The following LARS1 variants were observed in gnomAD, a reference collection of about 807,000 sequenced individuals.
The protein encoded by LARS1 is leucyl-tRNA synthetase 1, also known as leucine--tRNA ligase, cytoplasmic.
A neutral mutation model predicts 162.8 loss-of-function variants in LARS1; 100 were observed. That is an observed-to-expected ratio of 0.61 (90% CI 0.52 to 0.73). The LOEUF is 0.73. Ranked by LOEUF, LARS1 falls within the 30% of genes least tolerant of loss-of-function variation. The pLI is 0.00. For synonymous variants in LARS1, 457 were observed against 462.8 expected (o/e 0.99, Z 0.16); for missense variants, 1,258 against 1,408.9 (o/e 0.89, Z 1.71).
chr5:146,120,473 G>A lies in LARS1; in HGVS notation c.3223C>T (p.Gln1075Ter), dbSNP rs759414719. Residue 1075 changes from glutamine (Q) to a stop codon, truncating the protein, a stop_gained, in exon 31 of 32, where the codon CAG becomes TAG. Coordinates refer to ENST00000394434, the MANE Select transcript of LARS1 (RefSeq NM_020117.11). LOFTEE classifies it high-confidence loss of function. ...PGVSVSLVNPQPSNGHFSTKI... is the reference protein window; with the variant it reads ...PGVSVSLVNP ...GTTGAGAAGTGGCCATTGGATGGCT[G>A]GGGATTCACCAGAGAAACGGACACA... 3 of 1,612,964 alleles carry A rather than the reference G, an allele frequency of 1.9e-6. No homozygotes were observed. Among genetic ancestry groups the A allele is most frequent in the African/African-American group, 2.7e-5 (2 of 74,946 alleles).
chr5:146,144,291 CA>C lies in LARS1; in HGVS notation c.1713del (p.His571GlnfsTer9). ...CCTAGACCATAAGTTCTTGAGCAAGCATGTTCTTGTAGCCAACCTAAGGTGG... is the reference window on the plus strand; with the variant it reads ...CCTAGACCATAAGTTCTTGAGCAAGCTGTTCTTGTAGCCAACCTAAGGTGG... Reference protein sequence around the residue: ...FEATLGWLQEHACSRTYGLGT... With the variant: ...FEATLGWLQEXACSRTYGLGT... On this transcript the variant is annotated frameshift_variant, in exon 18 of 32. Transcript: ENST00000394434. LOFTEE classifies it high-confidence loss of function. 6.2e-7 allele frequency: 1 copy of C among 1,612,726 alleles called. No individual in the cohort carries two copies. Among genetic ancestry groups the C allele is most frequent in the Non-Finnish European group, 8.5e-7 (1 of 1,179,666 alleles).
intron 6 of LARS1, among the ~76,000 whole-genome samples, chr5:146,161,582 A>G (rs67897591): frequency 0.088 from 13,312 of 152,018 alleles, 718 homozygotes; most frequent in African/African-American, 0.15. Context: ...AAACAAACAA[A>G]CAAAAAATAC....
intron 10 of LARS1, among the ~76,000 whole-genome samples, chr5:146,154,529 G>T (rs1006544415): frequency 2.6e-5 from 4 of 152,206 alleles, no homozygotes; most frequent in African/African-American, 9.6e-5. Context: ...TGTAAACCCA[G>T]CACTTTGGGA....
chr5:146,181,854 T>TTTTC (rs1754869322), intron 1 of LARS1, among the ~76,000 whole-genome samples: 1 of 57,384 alleles, frequency 1.7e-5, no homozygotes, highest in Admixed American at 2.4e-4. Context: ...TTTTCTTTTT[T>TTTTC]TTTTTTTTTT....
intron 19 of LARS1, 141 bp downstream of exon 19, chr5:146,143,271 T>G: frequency 3.7e-6 from 4 of 1,091,670 alleles, no homozygotes; most frequent in Non-Finnish European, 5.2e-6. Context: ...TTATTAATTT[T>G]TCCCAGTTCA....
At chr5:146,128,589 G>T (rs1752138464) in intron 27 of LARS1, 83 bp downstream of exon 27, 1 of 800,874 alleles carries the variant, frequency 1.2e-6, no homozygotes, top group South Asian at 2.3e-5. Flanking sequence ...TCTTCTCCCA[G>T]ACATTGCCAA....
At chr5:146,150,942 GACACACACACACACACACACACAC>G (rs3995492) in intron 14 of LARS1, among the ~76,000 whole-genome samples, 3 of 134,804 alleles carry the variant, frequency 2.2e-5, no homozygotes, top group Non-Finnish European at 4.7e-5. Context: ...CCGTCAGATA[GACACACACACACACACACACACAC>G]ACACACACAC....
rs1370021755 is a variant in LARS1, at chr5:146,113,058, TATTG to T, written c.*1044_*1047del. The T allele has an allele frequency of 1.3e-5, 2 of 152,270 alleles. No homozygotes were observed. The highest frequency in any genetic ancestry group is 2.1e-4 in the South Asian group (1 of 4,820). The allele number at this position is 152,270 out of a possible 1,614,324, so 9.4% of individuals were successfully genotyped here. ...GTAATAGTCAGCATGACCTCTATTTTATTGATTGATTGATGGATTGATTGAGACA... is the reference window on the plus strand; with the variant it reads ...GTAATAGTCAGCATGACCTCTATTTTATTGATTGATGGATTGATTGAGACA... On this transcript the variant is annotated 3_prime_UTR_variant, in exon 32 of 32. Coordinates refer to ENST00000394434, the MANE Select transcript of LARS1 (RefSeq NM_020117.11).
intron 21 of LARS1, among the ~76,000 whole-genome samples, 173 bp from the exon 22 acceptor site, chr5:146,135,837 C>T (rs1014856890): frequency 2.0e-5 from 3 of 152,144 alleles, no homozygotes; most frequent in Non-Finnish European, 2.9e-5. Context: ...GAATTTCATC[C>T]GATAAAGTGC....
In LARS1 at chr5:146,113,815, T is replaced by C. The variant is rs373058785; in HGVS notation, c.*291A>G. 5.5e-6 allele frequency: 2 copies of C among 363,238 alleles called. No homozygotes were observed. Among genetic ancestry groups the C allele is most frequent in the Admixed American group, 4.2e-5 (1 of 23,798 alleles). 22.5% of individuals were successfully genotyped at this position (363,238 alleles called of 1,614,324 possible). ...TCATAAAAGAAGCATACTGACACTT[T>C]TATGTTCATCTTAAAAACCAGAAAC... On this transcript the variant is annotated 3_prime_UTR_variant, in exon 32 of 32. Transcript: ENST00000394434.
intron 30 of LARS1, 82 bp from the exon 31 acceptor site, chr5:146,120,585 A>G (rs906104264): frequency 9.8e-6 from 13 of 1,324,534 alleles, no homozygotes; most frequent in African/African-American, 4.5e-5. Flanking sequence ...TCAATGCCCA[A>G]TGAAAGACAG....
At chr5:146,117,376 G>A (rs1025699207) in intron 31 of LARS1, among the ~76,000 whole-genome samples, 10 of 152,126 alleles carry the variant, frequency 6.6e-5, no homozygotes, top group Admixed American at 2.0e-4. Flanking sequence ...TTGGGAGGCC[G>A]AGACAGGCAG....
chr5:146,126,861 A>G (rs1318273675), intron 27 of LARS1, among the ~76,000 whole-genome samples: 1 of 152,128 alleles, frequency 6.6e-6, no homozygotes, highest in East Asian at 1.9e-4. Context: ...AAAGCATTTT[A>G]TTAGTCATAT....
At chr5:146,154,576 G>T (rs1437991973) in intron 10 of LARS1, among the ~76,000 whole-genome samples, 1 of 152,078 alleles carries the variant, frequency 6.6e-6, no homozygotes, top group Non-Finnish European at 1.5e-5. Flanking sequence ...TTAGGAGTTC[G>T]CGACCAGCCT....
intron 26 of LARS1, 59 bp from the exon 27 acceptor site, chr5:146,128,841 A>G: frequency 6.7e-7 from 1 of 1,490,430 alleles, no homozygotes; most frequent in Non-Finnish European, 9.2e-7. Context: ...AAAAATGAGA[A>G]GAACCCTCCC....
At chr5:146,152,517 T>G (rs1001008501) in intron 13 of LARS1, among the ~76,000 whole-genome samples, 1 of 152,128 alleles carries the variant, frequency 6.6e-6, no homozygotes, top group Admixed American at 6.5e-5. Flanking sequence ...GGATCTAGGT[T>G]GCTTGCTCCT....
At chr5:146,160,577 T>G (rs1247593021) in intron 6 of LARS1, 91 bp from the exon 7 acceptor site, 1 of 579,170 alleles carries the variant, frequency 1.7e-6, no homozygotes, top group Non-Finnish European at 3.0e-6. Flanking sequence ...TTTACTCTTC[T>G]AACTTAGAAT....
intron 6 of LARS1, among the ~76,000 whole-genome samples, chr5:146,161,016 G>C (rs1188291815): frequency 6.6e-6 from 1 of 152,126 alleles, no homozygotes; most frequent in East Asian, 1.9e-4. Flanking sequence ...ATATCTGGGA[G>C]ATATTGTGGG....
At position 146,144,635 on chromosome 5, in the gene LARS1, C is replaced by A; in HGVS notation, c.1578G>T (p.Leu526=). 6.2e-7 allele frequency: 1 copy of A among 1,614,082 alleles called. No homozygotes were observed. The highest frequency in any genetic ancestry group is 1.1e-5 in the South Asian group (1 of 91,086). ...TATAAGAGACTAACCACTGGTCACA[C>A]AGAGCCACAACACATTCATCTGACG... ...SRSSDECVVA[L]CDQWYLDYGE... is the part of the protein sequence containing the mutation. Residue 526 remains leucine (L), a synonymous_variant, in exon 16 of 32, where the codon CTG becomes CTT. Transcript: ENST00000394434.
Sources: gnomAD v4.1 joint callset for allele counts (sites outside exome capture counted in the v4.1 genomes callset) on GRCh38, gnomAD v4.1.1 for gene constraint, MANE v1.5 for transcripts, NCBI Gene and HGNC (gene_info 2026-07-23, HGNC 2026-07-21) for gene names.